SPAG16: variants seen among roughly 807,000 people sequenced by gnomAD.
SPAG16 encodes the protein sperm-associated antigen 16 protein.
In SPAG16, 86 loss-of-function variants were observed where a neutral mutation model predicts 80.4. The ratio of observed to expected loss-of-function variants is 1.07; its 90% CI spans 0.90 to 1.28. The LOEUF is 1.28. Among genes scored for constraint, SPAG16 ranks in the 50% most tolerant of loss-of-function variants. The pLI is 0.00. For synonymous variants in SPAG16, 294 were observed against 265.9 expected (o/e 1.11, Z -1.03); for missense variants, 870 against 765.3 (o/e 1.14, Z -1.61).
intron 9 of SPAG16, among the ~76,000 whole-genome samples, chr2:213,468,532 T>G (rs2072869475): frequency 1.5e-5 from 2 of 135,828 alleles, no homozygotes; most frequent in South Asian, 2.2e-4. Context: ...TATTTATATA[T>G]AGATATATAT....
chr2:214,118,659 ACC>A (rs1444169787), intron 14 of SPAG16, among the ~76,000 whole-genome samples: 2 of 152,218 alleles, frequency 1.3e-5, no homozygotes, highest in Admixed American at 6.5e-5. Context: ...CATGAGGGTA[ACC>A]GCCCCCATGA....
intron 7 of SPAG16, among the ~76,000 whole-genome samples, chr2:213,352,071 C>T (rs2065361376): frequency 6.6e-6 from 1 of 151,794 alleles, no homozygotes; most frequent in Non-Finnish European, 1.5e-5. Flanking sequence ...CTCTTTCCTG[C>T]CACCCTCTGA....
At chr2:213,853,054 T>C (rs1241811733) in intron 10 of SPAG16, among the ~76,000 whole-genome samples, 1 of 152,178 alleles carries the variant, frequency 6.6e-6, no homozygotes, top group Non-Finnish European at 1.5e-5. Context: ...AGGTAAGTGG[T>C]CATCTAATGT....
chr2:213,310,412 A>T (rs549520477), intron 4 of SPAG16, among the ~76,000 whole-genome samples: 86 of 151,562 alleles, frequency 5.7e-4, no homozygotes, highest in African/African-American at 1.9e-3. Flanking sequence ...TTTATTAAAC[A>T]TCTTTCCCAA....
intron 10 of SPAG16, among the ~76,000 whole-genome samples, chr2:213,810,888 T>C (rs2072110446): frequency 6.6e-6 from 1 of 152,196 alleles, no homozygotes; most frequent in Non-Finnish European, 1.5e-5. Context: ...ATTGTCTGTT[T>C]TGCAGAAAGA....
chr2:213,875,094 A>G (rs1329047468), intron 11 of SPAG16, among the ~76,000 whole-genome samples: 1 of 138,106 alleles, frequency 7.2e-6, no homozygotes, highest in East Asian at 2.1e-4. Flanking sequence ...GGCACATACT[A>G]CCACATCAAA....
At chr2:213,901,914 CAG>C (rs1021295934) in intron 11 of SPAG16, among the ~76,000 whole-genome samples, 25 of 152,204 alleles carry the variant, frequency 1.6e-4, no homozygotes, top group African/African-American at 6.0e-4. Context: ...CATGTGAACA[CAG>C]GGTGAGAAAC....
At chr2:213,784,396 T>G (rs546589955) in intron 10 of SPAG16, among the ~76,000 whole-genome samples, 3 of 142,800 alleles carry the variant, frequency 2.1e-5, no homozygotes, top group African/African-American at 7.7e-5. Flanking sequence ...TTACATTGTA[T>G]GTTTATAACT....
intron 10 of SPAG16, among the ~76,000 whole-genome samples, chr2:213,719,167 C>T (rs1482674361): frequency 6.6e-6 from 1 of 152,124 alleles, no homozygotes; most frequent in Admixed American, 6.6e-5. Context: ...TTTGTAAATA[C>T]ACCAATCAGC....
At chr2:213,449,475 G>T (rs969989078) in intron 9 of SPAG16, among the ~76,000 whole-genome samples, 3 of 152,088 alleles carry the variant, frequency 2.0e-5, no homozygotes, top group African/African-American at 7.2e-5. Context: ...ATAAAAACTT[G>T]CTGGTCTGAG....
chr2:213,904,043 A>G (rs771344922), intron 11 of SPAG16, among the ~76,000 whole-genome samples: 2 of 152,166 alleles, frequency 1.3e-5, no homozygotes, highest in Non-Finnish European at 2.9e-5. Flanking sequence ...CCATATCACT[A>G]TCAGGCTTTT....
intron 15 of SPAG16, among the ~76,000 whole-genome samples, chr2:214,378,694 A>T (rs988050886): frequency 1.3e-5 from 2 of 152,216 alleles, no homozygotes; most frequent in Admixed American, 1.3e-4. Context: ...TAGGAAAAGG[A>T]GAGAGGGGGT....
At chr2:213,597,243 A>C (rs1259371640) in intron 10 of SPAG16, among the ~76,000 whole-genome samples, 1 of 152,124 alleles carries the variant, frequency 6.6e-6, no homozygotes, top group African/African-American at 2.4e-5. Flanking sequence ...CATATTTACT[A>C]CATTTTTATT....
chr2:213,805,293 T>C (rs1232083301), intron 10 of SPAG16, among the ~76,000 whole-genome samples: 1 of 151,562 alleles, frequency 6.6e-6, no homozygotes, highest in Non-Finnish European at 1.5e-5. Context: ...AGTCTTGGGG[T>C]CTATATTTTC....
intron 12 of SPAG16, among the ~76,000 whole-genome samples, chr2:213,957,767 T>G (rs543279624): frequency 1.3e-5 from 2 of 152,314 alleles, no homozygotes; most frequent in South Asian, 4.1e-4. Context: ...GCTATTTTCT[T>G]TGTGGTTACC....
At chr2:213,436,283 G>A (rs1226849156) in intron 9 of SPAG16, among the ~76,000 whole-genome samples, 2 of 152,192 alleles carry the variant, frequency 1.3e-5, no homozygotes, top group African/African-American at 2.4e-5. Context: ...GGAGAAATAT[G>A]TGTGGCTAAC....
At chr2:213,557,346 T>A (rs1014813751) in intron 10 of SPAG16, among the ~76,000 whole-genome samples, 4 of 152,168 alleles carry the variant, frequency 2.6e-5, no homozygotes, top group Admixed American at 2.6e-4. Flanking sequence ...ACATGTAATA[T>A]TTTGAGACAG....
In SPAG16 at chr2:213,375,159, C is replaced by T. The variant is rs372907600; in HGVS notation, c.942+40C>T. 3.0e-5 allele frequency: 40 copies of T among 1,350,314 alleles called. No homozygotes were observed. The African/African-American group carries it at 5.6e-4, about 19-fold the overall frequency. The allele number at this position is 1,350,314 out of a possible 1,614,324, so 83.6% of individuals were successfully genotyped here. A position where few individuals can be genotyped will look rare whatever the true frequency, so the allele number is the denominator to read the frequency against. On this transcript the variant is annotated intron_variant, in intron 9 of 15. Coordinates refer to ENST00000331683, the MANE Select transcript of SPAG16 (RefSeq NM_024532.5). ...TTTGTTTGCATTAAGTCATACTTAA[C>T]TCTCAGATCTTTAGATCCATTCACT...
At chr2:213,535,879 T>C (rs2125899767) in intron 10 of SPAG16, among the ~76,000 whole-genome samples, 1 of 152,266 alleles carries the variant, frequency 6.6e-6, no homozygotes, top group African/African-American at 2.4e-5. Context: ...TAGTTGAACA[T>C]ATTTTACAGG....
Sources: gnomAD v4.1 joint callset for allele counts (sites outside exome capture counted in the v4.1 genomes callset) on GRCh38, gnomAD v4.1.1 for gene constraint, MANE v1.5 for transcripts, NCBI Gene and HGNC (gene_info 2026-07-23, HGNC 2026-07-21) for gene names.